The following LRP4 variants were observed in gnomAD, a reference collection of about 807,000 sequenced individuals.
The protein encoded by LRP4 is low-density lipoprotein receptor-related protein 4.
A neutral mutation model predicts 220.3 loss-of-function variants in LRP4; 95 were observed. The ratio of observed to expected loss-of-function variants is 0.43; its 90% CI spans 0.37 to 0.51. The LOEUF (loss-of-function observed/expected upper bound fraction) is 0.51. LRP4 is among the 20% of genes least tolerant of loss of function. LRP4 has a pLI of 0.00. For synonymous variants in LRP4, 903 were observed against 954.6 expected, an observed-to-expected ratio of 0.95 and a Z score of 1.00; for missense variants, 1,925 against 2,567.0, an observed-to-expected ratio of 0.75 and a Z score of 5.40.
chr11:46,903,760 G>A (rs1461494075), intron 1 of LRP4, among the ~76,000 whole-genome samples: 1 of 152,244 alleles, frequency 6.6e-6, no homozygotes, highest in Non-Finnish European at 1.5e-5. Flanking sequence ...GGAGCAGGAA[G>A]CAGGGTGGGC....
At chr11:46,877,372 C>A (rs759474287) in intron 22 of LRP4, 33 bp from the exon 23 acceptor site, 1 of 1,613,136 alleles carries the variant, frequency 6.2e-7, no homozygotes. Context: ...GAGGATCACT[C>A]GAGCACAGCC....
At chr11:46,869,265 G>T (rs1391290400) in intron 31 of LRP4, 133 bp from the exon 32 acceptor site, 3 of 832,892 alleles carry the variant, frequency 3.6e-6, no homozygotes, top group Non-Finnish European at 6.0e-6. Context: ...TCATTTCTGT[G>T]CATCAACAGA....
chr11:46,900,112 CA>C, intron 3 of LRP4, 136 bp from the exon 4 acceptor site: 1 of 960,410 alleles, frequency 1.0e-6, no homozygotes, highest in African/African-American at 1.6e-5. Flanking sequence ...TGCCTCTCAG[CA>C]GCTTATCTGA....
intron 1 of LRP4, 99 bp from the exon 2 acceptor site, chr11:46,903,028 AC>A: frequency 1.4e-6 from 2 of 1,413,652 alleles, no homozygotes; most frequent in Non-Finnish European, 2.0e-6. Context: ...GGGCACTGTC[AC>A]CTGGAGAGTC....
chr11:46,859,479 C>T (rs1238590669), intron 37 of LRP4, among the ~76,000 whole-genome samples, 164 bp from the exon 38 acceptor site: 1 of 152,090 alleles, frequency 6.6e-6, no homozygotes, highest in African/African-American at 2.4e-5. Flanking sequence ...TGAGGCCTAG[C>T]CTAAAAGGGG....
intron 1 of LRP4, among the ~76,000 whole-genome samples, chr11:46,914,230 C>T (rs951772727): frequency 6.6e-6 from 1 of 152,148 alleles, no homozygotes; most frequent in South Asian, 2.1e-4. Flanking sequence ...AGGTAACAAC[C>T]CTGAGGTTCA....
At chr11:46,913,077 C>A (rs1941891173) in intron 1 of LRP4, among the ~76,000 whole-genome samples, 1 of 152,182 alleles carries the variant, frequency 6.6e-6, no homozygotes, top group African/African-American at 2.4e-5. Flanking sequence ...CGCCCCTCCC[C>A]TCATTCGAAC....
intron 15 of LRP4, 144 bp from the exon 16 acceptor site, chr11:46,889,677 G>T: frequency 9.0e-7 from 1 of 1,106,514 alleles, no homozygotes; most frequent in Non-Finnish European, 1.3e-6. Flanking sequence ...CCTGCTGCTA[G>T]CACAGTGAGT....
chr11:46,876,245 A>T (rs183769374), intron 25 of LRP4, among the ~76,000 whole-genome samples: 2 of 152,314 alleles, frequency 1.3e-5, no homozygotes, highest in Admixed American at 6.5e-5. Flanking sequence ...CTAATACATG[A>T]TGAAAACATT....
intron 1 of LRP4, among the ~76,000 whole-genome samples, chr11:46,916,187 C>T (rs1478664982): frequency 6.6e-6 from 1 of 152,086 alleles, no homozygotes; most frequent in Admixed American, 6.6e-5. Flanking sequence ...ACCTGTAATA[C>T]CAGCACTTTG....
At position 46,900,245 on chromosome 11, in the gene LRP4, C is replaced by T; in HGVS notation, c.316+17G>A. 6.3e-7 allele frequency: 1 copy of T among 1,584,096 alleles called. No individual in the cohort carries two copies. Among genetic ancestry groups the T allele is most frequent in the Non-Finnish European group, 8.7e-7 (1 of 1,152,876 alleles). ...TGGAACTCAATGGAGTTCCGCCCAG[C>T]CTCTGCCAACACTCACGACAGTCCT... On this transcript the variant is annotated intron_variant, in intron 3 of 37. Transcript: ENST00000378623.
chr11:46,894,009 A>G (rs945277144), intron 12 of LRP4, among the ~76,000 whole-genome samples: 3 of 150,572 alleles, frequency 2.0e-5, no homozygotes, highest in African/African-American at 7.4e-5. Flanking sequence ...CTCCTGCCTC[A>G]GCCTCCCAAG....
chr11:46,880,652 G>GT (rs2134812158), intron 20 of LRP4, among the ~76,000 whole-genome samples: 1 of 151,974 alleles, frequency 6.6e-6, no homozygotes, highest in East Asian at 1.9e-4. Flanking sequence ...TAAAAGAGAC[G>GT]TAATTACTAA....
Position 46,856,876 on chromosome 11 carries a change from A to G in LRP4, c.*2107T>C, listed in dbSNP as rs535254055. On this transcript the variant is annotated 3_prime_UTR_variant, in exon 38 of 38. Coordinates refer to ENST00000378623, the MANE Select transcript of LRP4 (RefSeq NM_002334.4). The surrounding 1 kb of genome is among the most constrained non-coding windows in gnomAD (Gnocchi z 4.1). ...TCCAAGCCAGGCAAGGTGATTAAGAAAAGCTAAATTTATATTAAATTATCA... is the reference window on the plus strand; with the variant it reads ...TCCAAGCCAGGCAAGGTGATTAAGAGAAGCTAAATTTATATTAAATTATCA... The G allele has an allele frequency of 6.5e-6, 1 of 152,788 alleles. No individual in the cohort carries two copies. The highest frequency in any genetic ancestry group is 2.1e-4 in the South Asian group (1 of 4,830). The allele number at this position is 152,788 out of a possible 1,614,324, so 9.5% of individuals were successfully genotyped here.
chr11:46,878,835 C>A, intron 22 of LRP4, 72 bp downstream of exon 22: 2 of 1,605,230 alleles, frequency 1.2e-6, no homozygotes, highest in Non-Finnish European at 1.7e-6. Flanking sequence ...TGGAGCCCAT[C>A]TGCAAGGAAG....
intron 19 of LRP4, 29 bp downstream of exon 19, chr11:46,883,842 G>A (rs772585532): frequency 1.3e-6 from 2 of 1,533,288 alleles, no homozygotes; most frequent in South Asian, 1.1e-5. Flanking sequence ...GGGGTGGATG[G>A]AGCTCATTCC....
chr11:46,896,162 G>A (rs1941526148), intron 9 of LRP4, 48 bp downstream of exon 9: 1 of 1,611,410 alleles, frequency 6.2e-7, no homozygotes, highest in Non-Finnish European at 8.5e-7. Context: ...CTATGGGTGG[G>A]GTTCGGCCAC....
intron 2 of LRP4, among the ~76,000 whole-genome samples, chr11:46,901,483 A>G (rs1004489013): frequency 8.5e-5 from 13 of 152,206 alleles, no homozygotes; most frequent in Non-Finnish European, 1.6e-4. Context: ...AAAATGCTAC[A>G]TGAAAGTGAA....
At chr11:46,896,465 G>A in intron 8 of LRP4, 130 bp from the exon 9 acceptor site, 1 of 1,148,094 alleles carries the variant, frequency 8.7e-7, no homozygotes, top group Non-Finnish European at 1.3e-6. Flanking sequence ...TCCTGGGCAG[G>A]AAGCAGCTCA....
Sources: allele counts gnomAD v4.1 joint callset (sites outside exome capture counted in the v4.1 genomes callset), GRCh38; gene constraint gnomAD v4.1.1; non-coding constraint Gnocchi (gnomAD v3.1); transcripts MANE v1.5; gene names NCBI Gene and HGNC (gene_info 2026-07-23, HGNC 2026-07-21).